The following USP34 variants were observed in gnomAD, a reference collection of about 807,000 sequenced individuals.
USP34 encodes the protein ubiquitin carboxyl-terminal hydrolase 34.
Under a neutral mutation model 460.3 loss-of-function variants are expected in USP34, and 70 were observed. The observed-to-expected ratio is 0.15, with a 90% CI of 0.13 to 0.19. The LOEUF (loss-of-function observed/expected upper bound fraction) is 0.19. Ranked by LOEUF, USP34 falls within the 10% of genes least tolerant of loss-of-function variation. USP34 has a pLI of 1.00. For missense variants in USP34, 3,985 were observed against 4,236.2 expected (o/e 0.94, Z 1.65); for synonymous variants, 1,647 against 1,405.3 (o/e 1.17, Z -3.85).
At chr2:61,196,379 C>T (rs766302954) in intron 75 of USP34, among the ~76,000 whole-genome samples, 2 of 151,850 alleles carry the variant, frequency 1.3e-5, no homozygotes, top group East Asian at 3.9e-4. Flanking sequence ...CGTGAGCCAC[C>T]GCGCCCGGCC....
intron 1 of USP34, among the ~76,000 whole-genome samples, chr2:61,455,226 T>G (rs1446980293): frequency 1.3e-5 from 2 of 152,038 alleles, no homozygotes; most frequent in Non-Finnish European, 2.9e-5. Context: ...TCACCCAACC[T>G]GGAGTGCAGT....
intron 35 of USP34, among the ~76,000 whole-genome samples, chr2:61,283,796 G>A (rs996816634): frequency 6.6e-6 from 1 of 152,080 alleles, no homozygotes; most frequent in African/African-American, 2.4e-5. Context: ...TTGCAAAAGA[G>A]ACTATATTTT....
chr2:61,380,896 C>T (rs564028161), intron 6 of USP34, among the ~76,000 whole-genome samples: 2 of 152,264 alleles, frequency 1.3e-5, no homozygotes, highest in Admixed American at 1.3e-4. Flanking sequence ...ATGAGATTCC[C>T]GCTCACCCCA....
At chr2:61,341,748 G>A (rs1558538683) in intron 16 of USP34, among the ~76,000 whole-genome samples, 1 of 149,044 alleles carries the variant, frequency 6.7e-6, no homozygotes, top group Admixed American at 6.8e-5. Context: ...CCCAGACTCA[G>A]GTCTTTCTTT....
intron 27 of USP34, among the ~76,000 whole-genome samples, chr2:61,303,375 G>A (rs1364538584): frequency 6.6e-6 from 1 of 151,896 alleles, no homozygotes; most frequent in African/African-American, 2.4e-5. Context: ...CCAGAATATC[G>A]TAACATCTTA....
At position 61,295,555 on chromosome 2, in the gene USP34, T is replaced by A. The variant is rs373012476; in HGVS notation, c.4255-265A>T. 3.9e-5 allele frequency among the ~76,000 whole-genome samples: 6 copies of A among 152,196 alleles called. No individual in the cohort carries two copies. The East Asian group carries it at 9.6e-4, about 24-fold the overall frequency. On this transcript the variant is annotated intron_variant, in intron 30 of 79. Coordinates refer to ENST00000398571, the MANE Select transcript of USP34 (RefSeq NM_014709.4). ...AATAATTAACTGTTAATCTTCCCAA[T>A]TAAAAGAAGAAACAACATTGTGATC...
At chr2:61,300,132 G>A (rs982869436) in intron 29 of USP34, among the ~76,000 whole-genome samples, 5 of 152,158 alleles carry the variant, frequency 3.3e-5, no homozygotes, top group African/African-American at 1.2e-4. Flanking sequence ...TTTCTCCAAA[G>A]AAACTTATTA....
intron 75 of USP34, among the ~76,000 whole-genome samples, chr2:61,196,414 G>T (rs559516849): frequency 6.6e-6 from 1 of 151,722 alleles, no homozygotes; most frequent in Non-Finnish European, 1.5e-5. Context: ...TTGTAGAGAC[G>T]AGATTTCACC....
chr2:61,470,585 G>C, intron 1 of USP34, 65 bp downstream of exon 1: 1 of 1,186,788 alleles, frequency 8.4e-7, no homozygotes, highest in Non-Finnish European at 1.2e-6. Flanking sequence ...AGCCCGGGGA[G>C]GCCAGAGAGC....
chr2:61,221,879 A>G (rs952228453), intron 65 of USP34: 3 of 285,026 alleles, frequency 1.1e-5, no homozygotes, highest in Non-Finnish European at 1.9e-5. Flanking sequence ...AAATTGACAA[A>G]CACTGTAAAT....
chr2:61,344,331 CAA>C (rs1691695552), intron 15 of USP34, among the ~76,000 whole-genome samples: 1 of 152,118 alleles, frequency 6.6e-6, no homozygotes, highest in South Asian at 2.1e-4. Context: ...ATTTTATACT[CAA>C]AGTCTATAAA....
rs1014767234 is a variant in USP34 at position 61,344,132 on chromosome 2, A to G, written c.2286-103T>C. Reference sequence around the variant, plus strand: ...TAAACTTACAAATACACTTAGAAACAAACCGACATCTGCTTATTAACAATA... The same window carrying G: ...TAAACTTACAAATACACTTAGAAACGAACCGACATCTGCTTATTAACAATA... On this transcript the variant is annotated intron_variant, in intron 15 of 79. Coordinates refer to ENST00000398571, the MANE Select transcript of USP34 (RefSeq NM_014709.4). The G allele has an allele frequency of 3.8e-6, 4 of 1,046,888 alleles. No homozygotes were observed. The Admixed American group carries it at 9.5e-5, about 25-fold the overall frequency. 64.8% of individuals were successfully genotyped at this position (1,046,888 alleles called of 1,614,324 possible).
intron 18 of USP34, among the ~76,000 whole-genome samples, chr2:61,337,398 A>G (rs961538915): frequency 9.1e-6 from 1 of 109,432 alleles, no homozygotes; most frequent in East Asian, 3.3e-4. Flanking sequence ...TATCCTTTCT[A>G]CTTTTTTTTT....
rs185002849 is a variant in USP34, at chr2:61,319,266, A to G, written c.3075T>C (p.Tyr1025=). ...WHCLVEDSEC[Y]DDALHWFLNQ... Reference sequence around the variant, plus strand: ...TTAAAAACCAATGGAGTGCATCATCATAACATTCAGAATCTTCTACTAAAC... The same window carrying G: ...TTAAAAACCAATGGAGTGCATCATCGTAACATTCAGAATCTTCTACTAAAC... Residue 1025 remains tyrosine (Y), a synonymous_variant, in exon 22 of 80, where the codon TAT becomes TAC. Transcript: ENST00000398571. 5.8e-5 allele frequency: 92 copies of G among 1,596,174 alleles called. No individual in the cohort carries two copies. The African/African-American group carries it at 1.0e-3, about 18-fold the overall frequency.
chr2:61,296,788 T>C lies in USP34; in HGVS notation c.4254+12A>G, dbSNP rs746759680. ...CAGCCTCTAGGAGAGTAAAGAGATT[T>C]TGTGGGCTCACCTGCTCATCTGAGA... is the stretch of plus-strand genomic sequence containing the variant. On this transcript the variant is annotated intron_variant, in intron 30 of 79. Transcript: ENST00000398571. 16 of 1,608,684 alleles carry C rather than the reference T, an allele frequency of 9.9e-6. No homozygotes were observed. The highest frequency in any genetic ancestry group is 3.4e-5 in the Admixed American group (2 of 58,698).
At chr2:61,381,045 A>C (rs958310269) in intron 6 of USP34, among the ~76,000 whole-genome samples, 4 of 151,996 alleles carry the variant, frequency 2.6e-5, no homozygotes, top group Non-Finnish European at 5.9e-5. Context: ...CCCTAATCTC[A>C]AGTACCCAGG....
chr2:61,252,389 TAGC>T lies in USP34; in HGVS notation c.6222-3709_6222-3707del, dbSNP rs3980947. On this transcript the variant is annotated intron_variant, in intron 48 of 79. Transcript: ENST00000398571. Reference sequence around the variant, plus strand: ...TCAATTGCTGCTACTACAGTAACAATAGCAGCAGCAGCAGCAGCAGCAGCAACA... The same window carrying T: ...TCAATTGCTGCTACTACAGTAACAATAGCAGCAGCAGCAGCAGCAGCAACA... 3.5e-3 allele frequency among the ~76,000 whole-genome samples: 533 copies of T among 151,682 alleles called. 2 individuals are homozygous for T. Among genetic ancestry groups the T allele is most frequent in the African/African-American group, 0.011 (453 of 41,382 alleles).
chr2:61,210,907 T>A (rs1687256422), intron 69 of USP34, among the ~76,000 whole-genome samples: 1 of 152,154 alleles, frequency 6.6e-6, no homozygotes, highest in African/African-American at 2.4e-5. Flanking sequence ...TATATAGAGA[T>A]GGGGTTTTAC....
In USP34 at chr2:61,235,840, C is replaced by T; in HGVS notation, c.7032+5G>A. Reference sequence around the variant, plus strand: ...TATGCATTAGTTGTTGAATTATCACCTTACCTCACAAGCTGCCTGACTATT... The same window carrying T: ...TATGCATTAGTTGTTGAATTATCACTTTACCTCACAAGCTGCCTGACTATT... On this transcript the variant is annotated splice_donor_5th_base_variant and intron_variant, in intron 57 of 79. Coordinates refer to ENST00000398571, the MANE Select transcript of USP34 (RefSeq NM_014709.4). 6.2e-7 allele frequency: 1 copy of T among 1,611,638 alleles called. No individual in the cohort carries two copies. Among genetic ancestry groups the T allele is most frequent in the Non-Finnish European group, 8.5e-7 (1 of 1,179,372 alleles).
Sources: allele counts gnomAD v4.1 joint callset (sites outside exome capture counted in the v4.1 genomes callset), GRCh38; gene constraint gnomAD v4.1.1; transcripts MANE v1.5; gene names NCBI Gene and HGNC (gene_info 2026-07-23, HGNC 2026-07-21).